The following LYST variants were observed in gnomAD, a reference collection of about 807,000 sequenced individuals.
LYST encodes the protein lysosomal-trafficking regulator.
In LYST, 192 loss-of-function variants were observed where a neutral mutation model predicts 413.6. The observed-to-expected ratio is 0.46, with a 90% CI of 0.41 to 0.52. LYST has a LOEUF of 0.52. Ranked by LOEUF, LYST falls within the 20% of genes least tolerant of loss-of-function variation. The probability of loss-of-function intolerance (pLI) is 0.00; values close to 1 mark genes in which losing one functional copy is unlikely to be tolerated. For synonymous variants in LYST, 1,525 were observed against 1,567.3 expected, an observed-to-expected ratio of 0.97 and a Z score of 0.64; for missense variants, 3,815 against 4,499.9, an observed-to-expected ratio of 0.85 and a Z score of 4.35.
At chr1:235,756,422 TC>T (rs1373065535) in intron 24 of LYST, among the ~76,000 whole-genome samples, 1 of 152,178 alleles carries the variant, frequency 6.6e-6, no homozygotes, top group African/African-American at 2.4e-5. Flanking sequence ...TATGAGACTC[TC>T]CCTTCTAGAC....
At chr1:235,681,195 T>C (rs1185108272) in intron 48 of LYST, among the ~76,000 whole-genome samples, 1 of 152,174 alleles carries the variant, frequency 6.6e-6, no homozygotes, top group Non-Finnish European at 1.5e-5. Context: ...TTTGAAGAAC[T>C]GGCAGAATTT....
chr1:235,826,341 C>T (rs901696235), intron 3 of LYST, among the ~76,000 whole-genome samples: 3 of 152,198 alleles, frequency 2.0e-5, no homozygotes, highest in Non-Finnish European at 4.4e-5. Flanking sequence ...TTCAAAGCAG[C>T]TTTATTCATA....
Position 235,662,443 on chromosome 1 carries a change from A to G in LYST, c.*497T>C, listed in dbSNP as rs1328454111. The G allele has an allele frequency of 6.0e-6, 1 of 166,464 alleles. No individual in the cohort carries two copies. The highest frequency in any genetic ancestry group is 1.3e-5 in the Non-Finnish European group (1 of 76,326). 10.3% of individuals were successfully genotyped at this position (166,464 alleles called of 1,614,324 possible). On this transcript the variant is annotated 3_prime_UTR_variant, in exon 53 of 53. Transcript: ENST00000389793. ...ACTGAATAATTTGCTTCTCAAAGAA[A>G]GCAATTATCAAGTCCTAAAAATTAT...
intron 39 of LYST, among the ~76,000 whole-genome samples, chr1:235,723,199 G>A (rs1663541875): frequency 6.6e-6 from 1 of 152,160 alleles, no homozygotes. Context: ...AAATTATGGG[G>A]GGAAGATTAG....
At chr1:235,672,104 G>C (rs1221810361) in intron 50 of LYST, among the ~76,000 whole-genome samples, 1 of 152,174 alleles carries the variant, frequency 6.6e-6, no homozygotes, top group Non-Finnish European at 1.5e-5. Context: ...GGTGAATTCT[G>C]AAATTCAGAG....
At position 235,664,584 on chromosome 1, in the gene LYST, G is replaced by A. The variant is rs368394921; in HGVS notation, c.11076C>T (p.Asn3692=). ...GGSDLRLWTV[N]GDLVGHVHCR... ...AGTGGACATGTCCAACGAGATCCCC[G>A]TTCACCGTCCAGAGTCTGAGGTCAC... The change falls in exon 51 of 53, where the codon AAC becomes AAT. Residue 3692 remains asparagine (N), a synonymous_variant. Coordinates refer to ENST00000389793, the MANE Select transcript of LYST (RefSeq NM_000081.4). The surrounding 1 kb of genome is among the most constrained non-coding windows in gnomAD (Gnocchi z 4.5). 42 of 1,613,966 alleles carry A rather than the reference G, an allele frequency of 2.6e-5. No individual in the cohort carries two copies. The highest frequency in any genetic ancestry group is 3.1e-5 in the Non-Finnish European group (37 of 1,180,020).
chr1:235,870,494 C>T (rs1680879426), upstream of LYST, among the ~76,000 whole-genome samples: 1 of 152,226 alleles, frequency 6.6e-6, no homozygotes, highest in South Asian at 2.1e-4. Context: ...GCGCGGGAGT[C>T]TCTGAGCCTA....
rs1019050831 is a variant in LYST, at chr1:235,754,335, C to T, written c.7230-1061G>A. 4.8e-5 allele frequency among the ~76,000 whole-genome samples: 7 copies of T among 145,352 alleles called. 1 individual carries two copies. Among genetic ancestry groups the T allele is most frequent in the South Asian group, 4.3e-4 (2 of 4,664 alleles). ...GTAACCTCTGCCTTCTGGGTTCAAG[C>T]GGTTCTCCTGCCTCAGCCTCTCAAG... On this transcript the variant is annotated intron_variant, in intron 25 of 52. Coordinates refer to ENST00000389793, the MANE Select transcript of LYST (RefSeq NM_000081.4).
chr1:235,797,861 A>T (rs1296802283), intron 10 of LYST, among the ~76,000 whole-genome samples: 2 of 152,172 alleles, frequency 1.3e-5, no homozygotes, highest in East Asian at 3.8e-4. Flanking sequence ...GAAAATATTA[A>T]CATATCACAT....
At chr1:235,683,051 T>C (rs1659944739) in intron 48 of LYST, among the ~76,000 whole-genome samples, 1 of 152,224 alleles carries the variant, frequency 6.6e-6, no homozygotes, top group South Asian at 2.1e-4. Flanking sequence ...AGAGTACAGA[T>C]TTATTGACCT....
At chr1:235,802,447 G>C (rs1672350067) in intron 8 of LYST, among the ~76,000 whole-genome samples, 2 of 152,108 alleles carry the variant, frequency 1.3e-5, no homozygotes, top group South Asian at 2.1e-4. Context: ...CTGCATTCCT[G>C]TATTATGTAT....
intron 14 of LYST, among the ~76,000 whole-genome samples, chr1:235,786,612 C>T (rs978096940): frequency 7.9e-5 from 12 of 151,994 alleles, no homozygotes; most frequent in Middle Eastern, 3.4e-3. Context: ...ATGTTTATTG[C>T]GGCACTATTC....
At position 235,847,038 on chromosome 1, in the gene LYST, T is replaced by C. The variant is rs777167480; in HGVS notation, c.-97-13371A>G. On this transcript the variant is annotated intron_variant, in intron 1 of 52. Transcript: ENST00000389793. ...AGAAGCATAAAGATCACCTGGGAAA[T>C]TCATCTCAAAAAGATCTTCGCGTAG... 1.1e-4 allele frequency among the ~76,000 whole-genome samples: 17 copies of C among 152,236 alleles called. 1 individual carries two copies. In the South Asian group the frequency reaches 1.5e-3, roughly 13 times the overall value.
At chr1:235,693,054 A>G (rs550542101) in intron 47 of LYST, among the ~76,000 whole-genome samples, 94 of 147,964 alleles carry the variant, frequency 6.4e-4, no homozygotes, top group Non-Finnish European at 1.1e-3. Context: ...GGTGGCTCAC[A>G]CCTGTAATCC....
intron 3 of LYST, chr1:235,829,301 C>T (rs1245741471): frequency 1.3e-5 from 2 of 152,134 alleles, no homozygotes; most frequent in Non-Finnish European, 2.9e-5. Flanking sequence ...ACAGTGAAAA[C>T]AGAAGTACTG....
chr1:235,834,765 C>T (rs1001193258), intron 1 of LYST, among the ~76,000 whole-genome samples: 1 of 152,104 alleles, frequency 6.6e-6, no homozygotes, highest in South Asian at 2.1e-4. Flanking sequence ...TATCAAAGCA[C>T]AGGGTATATT....
intron 47 of LYST, among the ~76,000 whole-genome samples, chr1:235,689,297 T>C (rs1660468501): frequency 1.3e-5 from 2 of 152,138 alleles, no homozygotes; most frequent in Admixed American, 6.5e-5. Flanking sequence ...TTTATATACA[T>C]GAAATATTAT....
At position 235,804,567 on chromosome 1, in the gene LYST, C is replaced by T; in HGVS notation, c.3492G>A (p.Leu1164=). ...TQLAKPLFDA[L]LRVALGNYSA... ...AATAATTCCCGAGGGCAACTCGAAG[C>T]AGGGCATCAAATAAAGGCTTTGCTA... The change falls in exon 7 of 53, where the codon CTG becomes CTA. Residue 1164 remains leucine, a synonymous_variant. Transcript: ENST00000389793. The T allele has an allele frequency of 6.2e-7, 1 of 1,613,016 alleles. No individual in the cohort carries two copies. The highest frequency in any genetic ancestry group is 1.7e-4 in the Middle Eastern group (1 of 6,060).
chr1:235,719,434 G>A (rs1663143222), intron 40 of LYST, among the ~76,000 whole-genome samples: 1 of 152,036 alleles, frequency 6.6e-6, no homozygotes, highest in Admixed American at 6.5e-5. Context: ...ATGAGAGAAT[G>A]GGAAATCAAC....
Sources: gnomAD v4.1 joint callset for allele counts (sites outside exome capture counted in the v4.1 genomes callset) on GRCh38, gnomAD v4.1.1 for gene constraint, Gnocchi (gnomAD v3.1) non-coding constraint, MANE v1.5 for transcripts, NCBI Gene and HGNC (gene_info 2026-07-23, HGNC 2026-07-21) for gene names.